Variants in CSMD2 observed in about 807,000 individuals in gnomAD.
CSMD2 encodes the protein CUB and sushi domain-containing protein 2.
Under a neutral mutation model 398.5 loss-of-function variants are expected in CSMD2, and 130 were observed. That is an observed-to-expected ratio of 0.33 (90% CI 0.28 to 0.38). CSMD2 has a LOEUF of 0.38. Among genes scored for constraint, CSMD2 ranks in the 10% least tolerant of loss-of-function variants. The pLI, the probability that CSMD2 is intolerant of heterozygous loss-of-function variation, is 1.00. For synonymous variants in CSMD2, 1,828 were observed against 1,908.5 expected, an observed-to-expected ratio of 0.96 and a Z score of 1.10; for missense variants, 3,829 against 4,764.9, an observed-to-expected ratio of 0.80 and a Z score of 5.78.
chr1:33,634,718 T>A (rs981864632), intron 31 of CSMD2, among the ~76,000 whole-genome samples: 13 of 152,162 alleles, frequency 8.5e-5, no homozygotes, highest in Middle Eastern at 3.2e-3. Context: ...TTTCACTTTT[T>A]TCTTGCTTGT....
At chr1:33,918,322 G>A (rs1643830936) in intron 4 of CSMD2, 21 bp from the exon 5 acceptor site, 1 of 1,609,832 alleles carries the variant, frequency 6.2e-7, no homozygotes, top group African/African-American at 1.3e-5. Context: ...AGAGAGAAGA[G>A]GCTTACATGA....
chr1:34,002,781 T>C (rs1646940567), intron 3 of CSMD2, among the ~76,000 whole-genome samples: 1 of 152,194 alleles, frequency 6.6e-6, no homozygotes, highest in Non-Finnish European at 1.5e-5. Flanking sequence ...TCTGAATTGT[T>C]GTATAAGCAT....
chr1:33,631,582 A>G (rs886987403), intron 32 of CSMD2, among the ~76,000 whole-genome samples: 1 of 152,094 alleles, frequency 6.6e-6, no homozygotes, highest in African/African-American at 2.4e-5. Flanking sequence ...TAATGGGGGA[A>G]AAAAGACCCA....
At chr1:33,926,236 C>T (rs1465042558) in intron 4 of CSMD2, among the ~76,000 whole-genome samples, 1 of 152,170 alleles carries the variant, frequency 6.6e-6, no homozygotes, top group African/African-American at 2.4e-5. Flanking sequence ...AAAACTGAAG[C>T]TCAGAGAGGT....
At chr1:34,022,185 CTG>C (rs778392180) in intron 3 of CSMD2, among the ~76,000 whole-genome samples, 1 of 152,184 alleles carries the variant, frequency 6.6e-6, no homozygotes, top group Non-Finnish European at 1.5e-5. Flanking sequence ...CTAGGCACAA[CTG>C]TGAAGAGTGA....
At chr1:34,133,818 C>T (rs977618124) in intron 1 of CSMD2, among the ~76,000 whole-genome samples, 11 of 151,932 alleles carry the variant, frequency 7.2e-5, no homozygotes, top group African/African-American at 2.2e-4. Context: ...CACCTGTAAT[C>T]CCAGCACTTT....
chr1:33,678,313 T>TA (rs5773424), intron 25 of CSMD2, among the ~76,000 whole-genome samples: 1 of 140,964 alleles, frequency 7.1e-6, no homozygotes, highest in East Asian at 2.0e-4. Context: ...CTTTATAAAT[T>TA]AAAAAAAAAA....
intron 7 of CSMD2, among the ~76,000 whole-genome samples, chr1:33,821,945 G>A (rs998896262): frequency 1.3e-5 from 2 of 152,186 alleles, no homozygotes; most frequent in Non-Finnish European, 2.9e-5. Context: ...AAGAGAATGC[G>A]TGTTATGCAG....
chr1:33,679,509 A>G (rs564888843), intron 25 of CSMD2, among the ~76,000 whole-genome samples: 1 of 152,266 alleles, frequency 6.6e-6, no homozygotes, highest in African/African-American at 2.4e-5. Context: ...CTCAAATACT[A>G]GTTCTGAGAG....
chr1:33,850,227 G>GCACA lies in CSMD2; in HGVS notation c.921-3235_921-3232dup, dbSNP rs142730464. ...CCTGCCTTTCACCCTGAGTGTGCAC[G>GCACA]CACACACACACACACACAGTTCTCC... On this transcript the variant is annotated intron_variant, in intron 5 of 70. Transcript: ENST00000373381. 5.5e-4 allele frequency among the ~76,000 whole-genome samples: 82 copies of GCACA among 149,994 alleles called. 1 individual carries two copies. Among genetic ancestry groups the GCACA allele is most frequent in the Middle Eastern group, 3.4e-3 (1 of 292 alleles).
intron 40 of CSMD2, among the ~76,000 whole-genome samples, chr1:33,611,500 T>C (rs1477689751): frequency 6.6e-6 from 1 of 152,140 alleles, no homozygotes; most frequent in Non-Finnish European, 1.5e-5. Context: ...TCCACTGGAG[T>C]TCATTTTATT....
rs551316309 is a variant in CSMD2 at position 33,619,527 on chromosome 1, C to A, written c.5828-1910G>T. On this transcript the variant is annotated intron_variant, in intron 37 of 70. Coordinates refer to ENST00000373381, the MANE Select transcript of CSMD2 (RefSeq NM_001281956.2). ...GTGCTTTTTTTCCCTCTGAGGGAAA[C>A]TCACATATAACAAAATGCAAAAACT... Among the ~76,000 whole-genome samples the A allele has an allele frequency of 1.3e-4, 20 of 152,316 alleles. No homozygotes were observed. The South Asian group carries it at 2.1e-3, about 16-fold the overall frequency.
Position 33,686,842 on chromosome 1 carries a change from CA to C in CSMD2, c.4052+6087del, listed in dbSNP as rs1260418010. 2.0e-5 allele frequency among the ~76,000 whole-genome samples: 3 copies of C among 152,242 alleles called. No homozygotes were observed. The East Asian group carries it at 5.8e-4, about 29-fold the overall frequency. Reference sequence around the variant, plus strand: ...ATGCTCCCACCCACAGTACAGCACCCACCACCTGAGATCCTTTAGGGGTGAC... The same window carrying C: ...ATGCTCCCACCCACAGTACAGCACCCCCACCTGAGATCCTTTAGGGGTGAC... On this transcript the variant is annotated intron_variant, in intron 25 of 70. Coordinates refer to ENST00000373381, the MANE Select transcript of CSMD2 (RefSeq NM_001281956.2).
chr1:33,902,101 T>G (rs926928869), intron 5 of CSMD2, among the ~76,000 whole-genome samples: 2 of 152,190 alleles, frequency 1.3e-5, no homozygotes, highest in African/African-American at 4.8e-5. Flanking sequence ...ATCTGCATTC[T>G]TCCAAAGAGC....
chr1:33,624,662 G>T lies in CSMD2; in HGVS notation c.5501-19C>A. Reference sequence around the variant, plus strand: ...CACGGCACTGGGAGGAGAGGCCATCGGGTCAGAGGCTTTGTGGCCTCCCGT... The same window carrying T: ...CACGGCACTGGGAGGAGAGGCCATCTGGTCAGAGGCTTTGTGGCCTCCCGT... On this transcript the variant is annotated intron_variant, in intron 34 of 70. Transcript: ENST00000373381. This position sits in a 1 kb window ranked among gnomAD's most constrained non-coding sequence, Gnocchi z 4.7. 1 of 1,604,776 alleles carries T rather than the reference G, an allele frequency of 6.2e-7. No homozygotes were observed. The highest frequency in any genetic ancestry group is 8.5e-7 in the Non-Finnish European group (1 of 1,173,030).
At chr1:34,013,979 C>T (rs1197626275) in intron 3 of CSMD2, among the ~76,000 whole-genome samples, 1 of 152,204 alleles carries the variant, frequency 6.6e-6, no homozygotes, top group Non-Finnish European at 1.5e-5. Flanking sequence ...CCTGCTCTTC[C>T]TATGGGCTTT....
intron 1 of CSMD2, among the ~76,000 whole-genome samples, chr1:34,156,933 C>T (rs917591551): frequency 6.6e-6 from 1 of 152,100 alleles, no homozygotes; most frequent in Non-Finnish European, 1.5e-5. Flanking sequence ...GCAGAGGGGG[C>T]CATGGAGGTA....
chr1:33,951,851 CTG>C (rs1347265141), intron 3 of CSMD2, among the ~76,000 whole-genome samples: 2 of 152,258 alleles, frequency 1.3e-5, no homozygotes, highest in African/African-American at 2.4e-5. Flanking sequence ...ACCTCTCCTT[CTG>C]TGATCTCTCC....
intron 3 of CSMD2, among the ~76,000 whole-genome samples, chr1:33,986,771 C>G (rs10914828): frequency 0.12 from 18,293 of 152,212 alleles, 1,923 homozygotes; most frequent in East Asian, 0.56. Context: ...GAGCGTAACT[C>G]AGGGCACTGG....
Sources: gnomAD v4.1 joint callset for allele counts (sites outside exome capture counted in the v4.1 genomes callset) on GRCh38, gnomAD v4.1.1 for gene constraint, Gnocchi (gnomAD v3.1) non-coding constraint, MANE v1.5 for transcripts, NCBI Gene and HGNC (gene_info 2026-07-23, HGNC 2026-07-21) for gene names.